The following NUBPL variants were observed in gnomAD, a reference collection of about 807,000 sequenced individuals.
The protein encoded by NUBPL is iron-sulfur cluster transfer protein NUBPL.
A neutral mutation model predicts 45.7 loss-of-function variants in NUBPL; 31 were observed. The observed-to-expected ratio is 0.68, with a 90% confidence interval of 0.51 to 0.92. The LOEUF (loss-of-function observed/expected upper bound fraction) is 0.92, where lower values mean the gene tolerates loss of function less well. Ranked by LOEUF, NUBPL falls within the 40% of genes least tolerant of loss-of-function variation. NUBPL has a pLI of 0.00. For missense variants in NUBPL, 401 were observed against 398.7 expected (o/e 1.01, Z -0.05); for synonymous variants, 144 against 140.9 (o/e 1.02, Z -0.15).
intron 6 of NUBPL, among the ~76,000 whole-genome samples, chr14:31,720,370 A>C (rs4981888): frequency 1 from 151,674 of 152,306 alleles, 75,526 homozygotes; most frequent in Middle Eastern, 1. Context: ...TGGATATAGT[A>C]ATATATCCTC....
At chr14:31,832,749 G>A (rs1291295451) in intron 8 of NUBPL, among the ~76,000 whole-genome samples, 2 of 152,178 alleles carry the variant, frequency 1.3e-5, no homozygotes, top group Non-Finnish European at 2.9e-5. Flanking sequence ...GTAGTGAAGA[G>A]CATGAGCTGA....
intron 6 of NUBPL, among the ~76,000 whole-genome samples, chr14:31,676,212 G>A (rs571239625): frequency 6.6e-5 from 10 of 152,094 alleles, no homozygotes; most frequent in South Asian, 2.1e-4. Context: ...TAGTAGGGAC[G>A]GGGTTTCTCC....
intron 3 of NUBPL, among the ~76,000 whole-genome samples, chr14:31,577,264 A>G (rs2033740821): frequency 6.6e-6 from 1 of 152,204 alleles, no homozygotes; most frequent in South Asian, 2.1e-4. Flanking sequence ...CTAGCTAAGA[A>G]TTTTATCATC....
intron 6 of NUBPL, among the ~76,000 whole-genome samples, chr14:31,758,088 T>C (rs1595590191): frequency 6.6e-6 from 1 of 152,324 alleles, no homozygotes; most frequent in East Asian, 1.9e-4. Flanking sequence ...TTCTTCAAAA[T>C]GCTCATCATG....
intron 4 of NUBPL, among the ~76,000 whole-genome samples, chr14:31,638,274 G>A (rs1409738396): frequency 5.9e-5 from 9 of 151,424 alleles, no homozygotes; most frequent in African/African-American, 1.7e-4. Context: ...GCTCTTTTAG[G>A]GCAGGCCTGG....
intron 4 of NUBPL, among the ~76,000 whole-genome samples, chr14:31,602,248 A>G (rs1199177634): frequency 1.5e-4 from 22 of 148,246 alleles, no homozygotes; most frequent in African/African-American, 5.2e-4. Context: ...GTGGGGTGGG[A>G]GGAGGGGGGA....
intron 6 of NUBPL, among the ~76,000 whole-genome samples, chr14:31,704,338 T>C (rs893905024): frequency 9.2e-5 from 14 of 152,206 alleles, no homozygotes; most frequent in African/African-American, 2.9e-4. Flanking sequence ...AGGATTTTTA[T>C]ACTTATATTC....
chr14:31,734,294 C>G (rs188835297), intron 6 of NUBPL, among the ~76,000 whole-genome samples: 4 of 152,272 alleles, frequency 2.6e-5, no homozygotes, highest in African/African-American at 9.6e-5. Context: ...ACTTCTGTCT[C>G]TTGTCCTTCA....
chr14:31,588,334 C>G (rs1258592986), intron 3 of NUBPL, among the ~76,000 whole-genome samples: 1 of 152,218 alleles, frequency 6.6e-6, no homozygotes, highest in Non-Finnish European at 1.5e-5. Context: ...TGTGCATGCA[C>G]TACTGTTAGC....
At chr14:31,569,184 G>C (rs2033515642) in intron 3 of NUBPL, among the ~76,000 whole-genome samples, 2 of 151,860 alleles carry the variant, frequency 1.3e-5, no homozygotes, top group Admixed American at 1.3e-4. Context: ...CTTGTAGATT[G>C]AGTTTTTTTT....
rs112650064 is a variant in NUBPL, at chr14:31,730,593, A to G, written c.513+57019A>G. 1.8e-4 allele frequency among the ~76,000 whole-genome samples: 27 copies of G among 151,770 alleles called. 1 individual carries two copies. The highest frequency in any genetic ancestry group is 5.8e-4 in the African/African-American group (24 of 41,374). On this transcript the variant is annotated intron_variant, in intron 6 of 10. Transcript: ENST00000281081. ...ATTCTCCTGCCTCAGTCTCCCGAGTAGCTGGGATTACAGGTGCCCACCACT... is the reference window on the plus strand; with the variant it reads ...ATTCTCCTGCCTCAGTCTCCCGAGTGGCTGGGATTACAGGTGCCCACCACT...
chr14:31,623,631 G>C (rs1285269468), intron 4 of NUBPL, among the ~76,000 whole-genome samples: 1 of 152,060 alleles, frequency 6.6e-6, no homozygotes, highest in Non-Finnish European at 1.5e-5. Flanking sequence ...TTCCACTTAG[G>C]CTTCTGCTAT....
chr14:31,721,024 A>G (rs1262998322), intron 6 of NUBPL, among the ~76,000 whole-genome samples: 1 of 152,182 alleles, frequency 6.6e-6, no homozygotes. Context: ...ATGTAGTTCT[A>G]TTTCAAGATG....
intron 6 of NUBPL, among the ~76,000 whole-genome samples, chr14:31,722,651 C>T (rs562549311): frequency 6.6e-6 from 1 of 152,252 alleles, no homozygotes; most frequent in Admixed American, 6.5e-5. Flanking sequence ...GAGATGGTAT[C>T]TCATTGTGGT....
At chr14:31,729,289 A>C (rs2378941) in intron 6 of NUBPL, among the ~76,000 whole-genome samples, 52,361 of 107,560 alleles carry the variant, frequency 0.49, 12,174 homozygotes, top group East Asian at 0.71. Context: ...CCCCCCCCCC[A>C]AAAAAAAAGT....
At chr14:31,666,263 A>ATTTATT in intron 4 of NUBPL, among the ~76,000 whole-genome samples, 1,192 of 111,720 alleles carry the variant, frequency 0.011, 148 homozygotes, top group Non-Finnish European at 0.016. Context: ...ATATATATAT[A>ATTTATT]ATTTTATTTT....
intron 3 of NUBPL, among the ~76,000 whole-genome samples, chr14:31,591,158 C>A (rs147073374): frequency 8.5e-5 from 13 of 152,082 alleles, no homozygotes; most frequent in Non-Finnish European, 1.9e-4. Flanking sequence ...CATGTTGTGA[C>A]TTTAGTTTTC....
chr14:31,846,335 G>C (rs1266108579), intron 8 of NUBPL, 136 bp from the exon 9 acceptor site: 26 of 728,296 alleles, frequency 3.6e-5, no homozygotes, highest in Non-Finnish European at 6.3e-5. Flanking sequence ...CAGAGCAGAG[G>C]CCATAGTTTA....
chr14:31,607,207 C>T (rs1401348388), intron 4 of NUBPL, among the ~76,000 whole-genome samples: 5 of 151,900 alleles, frequency 3.3e-5, no homozygotes, highest in Non-Finnish European at 5.9e-5. Flanking sequence ...ATGGTGAAAC[C>T]CCATCTCTAC....
Sources: allele counts gnomAD v4.1 joint callset (sites outside exome capture counted in the v4.1 genomes callset), GRCh38; gene constraint gnomAD v4.1.1; transcripts MANE v1.5; gene names NCBI Gene and HGNC (gene_info 2026-07-23, HGNC 2026-07-21).